The following PRIM2 variants were observed in gnomAD, a reference collection of about 807,000 sequenced individuals.
PRIM2 encodes DNA primase subunit 2, also known as DNA primase large subunit.
In PRIM2, 39 loss-of-function variants were observed where a neutral mutation model predicts 67.3. That is an observed-to-expected ratio of 0.58 (90% confidence interval 0.45 to 0.76). The LOEUF is 0.76. Among genes scored for constraint, PRIM2 ranks in the 30% least tolerant of loss-of-function variants. The pLI is 0.00. For missense variants in PRIM2, 398 were observed against 598.7 expected (o/e 0.66, Z 3.50); for synonymous variants, 143 against 198.7 (o/e 0.72, Z 2.36).
chr6:57,454,458 A>G (rs1175335667), intron 7 of PRIM2, among the ~76,000 whole-genome samples: 4 of 152,124 alleles, frequency 2.6e-5, no homozygotes, highest in Non-Finnish European at 4.4e-5. Context: ...TATTGCCTCA[A>G]TTTCAGAGCC....
chr6:57,271,301 T>G, the PRIM2 span, among the ~76,000 whole-genome samples: 1 of 152,246 alleles, frequency 6.6e-6, no homozygotes, highest in Admixed American at 6.5e-5. Context: ...TGCCTCAATT[T>G]CAGAGCCTGT....
intron 7 of PRIM2, among the ~76,000 whole-genome samples, chr6:57,420,332 G>T (rs1442219770): frequency 1.3e-5 from 2 of 151,982 alleles, no homozygotes; most frequent in Non-Finnish European, 2.9e-5. Context: ...GTGAAACCCT[G>T]TCTCTACTAA....
At chr6:57,348,841 G>A (rs1441442598) in intron 5 of PRIM2, among the ~76,000 whole-genome samples, 3 of 150,218 alleles carry the variant, frequency 2.0e-5, no homozygotes, top group African/African-American at 7.4e-5. Context: ...TCTGCCTCCC[G>A]GGTTCAAGCT....
intron 5 of PRIM2, among the ~76,000 whole-genome samples, chr6:57,344,624 G>A (rs1768608864): frequency 6.6e-6 from 1 of 152,150 alleles, no homozygotes; most frequent in African/African-American, 2.4e-5. Flanking sequence ...TATTATGGAA[G>A]CCAACCTGGT....
At chr6:57,488,881 T>C (rs1773813710) in intron 7 of PRIM2, among the ~76,000 whole-genome samples, 1 of 152,164 alleles carries the variant, frequency 6.6e-6, no homozygotes, top group African/African-American at 2.4e-5. Flanking sequence ...AACCCTGTTC[T>C]CTCCTTGCCA....
intron 7 of PRIM2, among the ~76,000 whole-genome samples, chr6:57,490,161 T>G (rs1399144448): frequency 2.0e-5 from 3 of 152,194 alleles, no homozygotes; most frequent in African/African-American, 7.2e-5. Flanking sequence ...TGAGATTGCC[T>G]TCTTCCAGTG....
chr6:57,244,703 G>A, the PRIM2 span, among the ~76,000 whole-genome samples: 2 of 151,688 alleles, frequency 1.3e-5, no homozygotes, highest in South Asian at 4.2e-4. Context: ...AGGGGTTGAG[G>A]TGAGCCCAGC....
At chr6:57,415,529 G>A (rs1581883724) in intron 7 of PRIM2, among the ~76,000 whole-genome samples, 1 of 152,234 alleles carries the variant, frequency 6.6e-6, no homozygotes, top group East Asian at 1.9e-4. Context: ...TAATCTTTTT[G>A]CTGGTGGAGG....
At chr6:57,629,179 T>G (rs1389080853) in intron 12 of PRIM2, among the ~76,000 whole-genome samples, 4 of 152,138 alleles carry the variant, frequency 2.6e-5, no homozygotes, top group Admixed American at 2.6e-4. Context: ...GCAGAAGAAG[T>G]CTCAGGTTGC....
chr6:57,348,840 C>A (rs969166405), intron 5 of PRIM2, among the ~76,000 whole-genome samples: 32 of 150,522 alleles, frequency 2.1e-4, no homozygotes, highest in Admixed American at 1.5e-3. Context: ...CTCTGCCTCC[C>A]GGGTTCAAGC....
At chr6:57,356,020 C>T (rs1359379998) in intron 5 of PRIM2, among the ~76,000 whole-genome samples, 1 of 152,064 alleles carries the variant, frequency 6.6e-6, no homozygotes, top group African/African-American at 2.4e-5. Context: ...CATTCGAGAC[C>T]TAGGGTGTTA....
At chr6:57,619,111 C>T (rs1253409251) in intron 12 of PRIM2, among the ~76,000 whole-genome samples, 7 of 152,144 alleles carry the variant, frequency 4.6e-5, no homozygotes, top group African/African-American at 1.7e-4. Context: ...GTGCAGAAAC[C>T]CCCAGTACTA....
chr6:57,243,674 C>G, the PRIM2 span, among the ~76,000 whole-genome samples: 1 of 152,076 alleles, frequency 6.6e-6, no homozygotes, highest in African/African-American at 2.4e-5. Flanking sequence ...TGGGGCTTCA[C>G]CGTGTTGGCC....
chr6:57,338,023 G>A (rs1768321719), intron 5 of PRIM2, among the ~76,000 whole-genome samples: 1 of 151,872 alleles, frequency 6.6e-6, no homozygotes, highest in Non-Finnish European at 1.5e-5. Flanking sequence ...TGATAAAGGG[G>A]ATATCACCAC....
chr6:57,556,076 C>G (rs1263261749), intron 10 of PRIM2, among the ~76,000 whole-genome samples: 2 of 152,220 alleles, frequency 1.3e-5, no homozygotes, highest in Non-Finnish European at 2.9e-5. Context: ...CTTAGGAATA[C>G]AGCTAACAAG....
the PRIM2 span, among the ~76,000 whole-genome samples, chr6:57,292,106 C>T: frequency 1.4e-3 from 219 of 152,282 alleles, no homozygotes; most frequent in African/African-American, 5.0e-3. Context: ...CCCATCGTCT[C>T]GGCCCCAAAT....
chr6:57,478,885 G>T (rs1211658041), intron 7 of PRIM2, among the ~76,000 whole-genome samples: 1 of 152,194 alleles, frequency 6.6e-6, no homozygotes, highest in African/African-American at 2.4e-5. Context: ...GGTGGCTCAC[G>T]CCTGTAATCC....
At chr6:57,594,613 C>T (rs1302837105) in intron 10 of PRIM2, among the ~76,000 whole-genome samples, 1 of 152,084 alleles carries the variant, frequency 6.6e-6, no homozygotes, top group East Asian at 1.9e-4. Context: ...GGTGTTTTTC[C>T]ACATGCAGAA....
the PRIM2 span, among the ~76,000 whole-genome samples, chr6:57,305,412 G>A: frequency 6.6e-5 from 10 of 152,198 alleles, no homozygotes; most frequent in Non-Finnish European, 1.2e-4. Context: ...AGAGGCAGGG[G>A]TGCAGAAATG....
Sources: allele counts gnomAD v4.1 joint callset (sites outside exome capture counted in the v4.1 genomes callset), GRCh38; gene constraint gnomAD v4.1.1; transcripts MANE v1.5; gene names NCBI Gene and HGNC (gene_info 2026-07-23, HGNC 2026-07-21).